RAB3GAP1: variants seen among roughly 807,000 people sequenced by gnomAD.
The protein encoded by RAB3GAP1 is RAB3 GTPase activating protein catalytic subunit 1.
Under a neutral mutation model 130.7 loss-of-function variants are expected in RAB3GAP1, and 86 were observed. That is an observed-to-expected ratio of 0.66 (90% confidence interval 0.55 to 0.79). RAB3GAP1 has a LOEUF of 0.79. Ranked by LOEUF, RAB3GAP1 falls within the 30% of genes least tolerant of loss-of-function variation. The pLI is 0.00. For synonymous variants in RAB3GAP1, 367 were observed against 401.7 expected (o/e 0.91, Z 1.03); for missense variants, 1,029 against 1,169.4 (o/e 0.88, Z 1.75).
At chr2:135,106,535 T>A (rs572828712) in intron 5 of RAB3GAP1, among the ~76,000 whole-genome samples, 1 of 152,144 alleles carries the variant, frequency 6.6e-6, no homozygotes, top group Non-Finnish European at 1.5e-5. Context: ...GTGCTTTGTT[T>A]AACAGATGCT....
intron 3 of RAB3GAP1, among the ~76,000 whole-genome samples, chr2:135,068,097 T>C (rs565180630): frequency 2.0e-5 from 3 of 152,258 alleles, no homozygotes; most frequent in African/African-American, 4.8e-5. Context: ...TAGAGTAGAA[T>C]ATAAACATAG....
chr2:135,169,674 A>G lies in RAB3GAP1; in HGVS notation c.*893A>G. The G allele has an allele frequency of 2.2e-6, 1 of 452,596 alleles. No homozygotes were observed. The highest frequency in any genetic ancestry group is 1.6e-5 in the South Asian group (1 of 63,924). The allele number at this position is 452,596 out of a possible 1,614,324, so 28.0% of individuals were successfully genotyped here. On this transcript the variant is annotated 3_prime_UTR_variant, in exon 24 of 24. Coordinates refer to ENST00000264158, the MANE Select transcript of RAB3GAP1 (RefSeq NM_012233.3). ...TCATGCAGATAGTATAATTTGGTAT[A>G]TGTGCTAATGCATTGAGTAGAGGAT...
At chr2:135,117,600 TCTTCTGCTTCTTCTG>T (rs1558784465) in intron 7 of RAB3GAP1, among the ~76,000 whole-genome samples, 7 of 117,576 alleles carry the variant, frequency 6.0e-5, no homozygotes, top group East Asian at 2.3e-4. Flanking sequence ...TTCTGCTGCT[TCTTCTGCTTCTTCTG>T]CTTCTGCTTC....
At chr2:135,078,432 A>G (rs367901265) in intron 3 of RAB3GAP1, among the ~76,000 whole-genome samples, 1 of 152,030 alleles carries the variant, frequency 6.6e-6, no homozygotes, top group Non-Finnish European at 1.5e-5. Context: ...TTGTTTTGCT[A>G]TTGGATAGCC....
intron 18 of RAB3GAP1, among the ~76,000 whole-genome samples, chr2:135,151,967 CA>C (rs1253374537): frequency 2.0e-5 from 3 of 152,186 alleles, no homozygotes; most frequent in Non-Finnish European, 4.4e-5. Context: ...TGCACTTCAG[CA>C]AAACTGTGAT....
chr2:135,167,900 TA>T (rs1271193462), intron 23 of RAB3GAP1, among the ~76,000 whole-genome samples: 1 of 152,108 alleles, frequency 6.6e-6, no homozygotes, highest in Non-Finnish European at 1.5e-5. Context: ...TTGATGGTAT[TA>T]AAAAAAGTAC....
At chr2:135,143,569 T>G (rs570504026) in intron 17 of RAB3GAP1, among the ~76,000 whole-genome samples, 11 of 150,608 alleles carry the variant, frequency 7.3e-5, no homozygotes, top group African/African-American at 2.7e-4. Context: ...TTTTTTTTTT[T>G]TTTTTTGAGA....
At position 135,148,763 on chromosome 2, in the gene RAB3GAP1, C is replaced by T. The variant is rs1457549812; in HGVS notation, c.1924-1606C>T. Among the ~76,000 whole-genome samples the T allele has an allele frequency of 2.7e-5, 4 of 150,718 alleles. No homozygotes were observed. The East Asian group carries it at 5.9e-4, about 22-fold the overall frequency. On this transcript the variant is annotated intron_variant, in intron 17 of 23. Transcript: ENST00000264158. ...CTGACCTCAAATGATCCGTCCACCTCGGCCTCCCAAAGTGCTGGGATTACA... is the reference window on the plus strand; with the variant it reads ...CTGACCTCAAATGATCCGTCCACCTTGGCCTCCCAAAGTGCTGGGATTACA...
At chr2:135,113,033 T>C (rs1410021228) in intron 5 of RAB3GAP1, 118 bp from the exon 6 acceptor site, 1 of 1,416,680 alleles carries the variant, frequency 7.1e-7, no homozygotes, top group African/African-American at 1.4e-5. Context: ...AAGAAACACT[T>C]TTAGTTTAAA....
chr2:135,157,403 G>C (rs1692340452), intron 19 of RAB3GAP1, among the ~76,000 whole-genome samples: 1 of 152,186 alleles, frequency 6.6e-6, no homozygotes, highest in African/African-American at 2.4e-5. Flanking sequence ...TAATCCAGCT[G>C]TATTTTAAAT....
chr2:135,129,965 G>A (rs757230325), intron 11 of RAB3GAP1, 30 bp from the exon 12 acceptor site: 4 of 1,304,398 alleles, frequency 3.1e-6, no homozygotes, highest in South Asian at 1.2e-5. Context: ...TTTCAGTTAA[G>A]TGTCAAAAAT....
At chr2:135,127,523 T>G (rs994210090) in intron 11 of RAB3GAP1, among the ~76,000 whole-genome samples, 6 of 151,810 alleles carry the variant, frequency 4.0e-5, no homozygotes, top group Non-Finnish European at 7.4e-5. Context: ...TTTGTGTTTT[T>G]AGTAGAGACG....
At chr2:135,061,993 T>C (rs1689184459) in intron 3 of RAB3GAP1, among the ~76,000 whole-genome samples, 4 of 152,150 alleles carry the variant, frequency 2.6e-5, no homozygotes, top group Admixed American at 2.6e-4. Context: ...GTTTCATTAG[T>C]CTATTTGACT....
At chr2:135,065,909 T>G (rs1406172177) in intron 3 of RAB3GAP1, among the ~76,000 whole-genome samples, 5 of 151,960 alleles carry the variant, frequency 3.3e-5, no homozygotes, top group Non-Finnish European at 5.9e-5. Context: ...TAGCTGGGAC[T>G]ACAGGTGTGC....
At position 135,091,044 on chromosome 2, in the gene RAB3GAP1, C is replaced by G. The variant is rs769816503; in HGVS notation, c.197C>G (p.Ser66Cys). 1.2e-6 allele frequency: 2 copies of G among 1,611,348 alleles called. No homozygotes were observed. The highest frequency in any genetic ancestry group is 1.7e-6 in the Non-Finnish European group (2 of 1,177,814). Residue 66 changes from serine (S) to cysteine (C), a missense_variant, in exon 4 of 24, where the codon TCC becomes TGC. Physicochemically the swap from Ser to Cys is moderately radical, Grantham distance 112 (BLOSUM62 -1). Around this residue, in one of 3 missense-constraint regions of RAB3GAP1, gnomAD observed 510 missense variants for 532.1 expected, o/e 0.96. Transcript: ENST00000264158. Reference sequence around the variant, plus strand: ...TGGGAAGAGAAATCAGATGAAATTTCCTTTGCTGACTTCAAGTTCTCAGTC... The same window carrying G: ...TGGGAAGAGAAATCAGATGAAATTTGCTTTGCTGACTTCAAGTTCTCAGTC... ...GTWEEKSDEI[S>C]FADFKFSVTH...
intron 11 of RAB3GAP1, among the ~76,000 whole-genome samples, chr2:135,129,304 T>C (rs1691451938): frequency 6.6e-6 from 1 of 151,390 alleles, no homozygotes; most frequent in African/African-American, 2.4e-5. Flanking sequence ...TACAAAAAAT[T>C]AGCCAGGCGT....
At chr2:135,143,302 A>T (rs1691898122) in intron 17 of RAB3GAP1, among the ~76,000 whole-genome samples, 1 of 151,918 alleles carries the variant, frequency 6.6e-6, no homozygotes, top group Non-Finnish European at 1.5e-5. Flanking sequence ...TTTAATTTTT[A>T]AAATTGGCAT....
chr2:135,120,169 T>C (rs1691154313), intron 7 of RAB3GAP1, among the ~76,000 whole-genome samples: 1 of 152,204 alleles, frequency 6.6e-6, no homozygotes, highest in South Asian at 2.1e-4. Flanking sequence ...TCACCTTTTT[T>C]TCACATTTAA....
intron 3 of RAB3GAP1, among the ~76,000 whole-genome samples, chr2:135,090,236 AAT>A (rs529654778): frequency 1.3e-5 from 2 of 152,212 alleles, no homozygotes; most frequent in Non-Finnish European, 2.9e-5. Context: ...TCTTTCCAGG[AAT>A]ATATATAAAA....
Sources: gnomAD v4.1 joint callset for allele counts (sites outside exome capture counted in the v4.1 genomes callset) on GRCh38, gnomAD v4.1.1 for gene constraint, gnomAD v4.1.1 regional missense constraint, MANE v1.5 for transcripts, NCBI Gene and HGNC (gene_info 2026-07-23, HGNC 2026-07-21) for gene names.